Variants in SMYD3 observed in about 807,000 individuals in gnomAD.
The protein encoded by SMYD3 is SET and MYND domain containing 3, also known as histone-lysine N-methyltransferase SMYD3.
A neutral mutation model predicts 57.7 loss-of-function variants in SMYD3; 36 were observed. The ratio of observed to expected loss-of-function variants is 0.62; its 90% confidence interval spans 0.48 to 0.82. The LOEUF is 0.82. SMYD3 is among the 40% of genes least tolerant of loss of function. The pLI, the probability that SMYD3 is intolerant of heterozygous loss-of-function variation, is 0.00. For synonymous variants in SMYD3, 211 were observed against 195.0 expected (o/e 1.08, Z -0.68); for missense variants, 515 against 538.8 (o/e 0.96, Z 0.44).
intron 5 of SMYD3, among the ~76,000 whole-genome samples, chr1:246,036,720 ATT>A (rs546300378): frequency 1.7e-4 from 19 of 110,480 alleles, no homozygotes; most frequent in South Asian, 1.7e-3. Flanking sequence ...AGCCCGGCTA[ATT>A]TTTTTTTTTT....
At chr1:246,179,998 T>G (rs2062508450) in intron 5 of SMYD3, among the ~76,000 whole-genome samples, 1 of 152,160 alleles carries the variant, frequency 6.6e-6, no homozygotes, top group African/African-American at 2.4e-5. Flanking sequence ...AAGGTGTGAA[T>G]TAAGTACTCA....
chr1:246,236,605 A>G (rs2333993), intron 5 of SMYD3, among the ~76,000 whole-genome samples: 114,815 of 151,770 alleles, frequency 0.76, 43,625 homozygotes, highest in East Asian at 0.9. Context: ...TAGTAGAGAC[A>G]GGGTTTCACT....
chr1:245,836,684 G>T (rs1303857628), intron 10 of SMYD3, among the ~76,000 whole-genome samples: 3 of 152,214 alleles, frequency 2.0e-5, no homozygotes, highest in Admixed American at 2.0e-4. Context: ...TTATAAGGAA[G>T]TAGAACTCAG....
At chr1:246,245,771 T>C (rs1028290299) in intron 5 of SMYD3, among the ~76,000 whole-genome samples, 1 of 152,210 alleles carries the variant, frequency 6.6e-6, no homozygotes, top group Non-Finnish European at 1.5e-5. Context: ...TCTACACCAA[T>C]GAACCACTAA....
chr1:246,363,214 G>A (rs1258281495), intron 1 of SMYD3, among the ~76,000 whole-genome samples: 1 of 148,482 alleles, frequency 6.7e-6, no homozygotes, highest in Non-Finnish European at 1.5e-5. Context: ...AGTGAGGAGC[G>A]TCTCCGCCCG....
At chr1:245,849,473 C>T (rs2050841352) in intron 10 of SMYD3, among the ~76,000 whole-genome samples, 1 of 151,870 alleles carries the variant, frequency 6.6e-6, no homozygotes, top group Non-Finnish European at 1.5e-5. Context: ...TGTGTATGGA[C>T]CAAAAGGGGA....
intron 5 of SMYD3, among the ~76,000 whole-genome samples, chr1:246,139,077 A>C (rs1177727453): frequency 6.6e-6 from 1 of 152,202 alleles, no homozygotes; most frequent in Non-Finnish European, 1.5e-5. Flanking sequence ...CAGCAAAAAG[A>C]ATACAGTCTA....
intron 10 of SMYD3, among the ~76,000 whole-genome samples, chr1:245,793,150 A>G (rs1244544783): frequency 6.7e-6 from 1 of 149,106 alleles, no homozygotes; most frequent in African/African-American, 2.5e-5. Context: ...TCTACTAAAA[A>G]TACAAAAAAT....
intron 10 of SMYD3, among the ~76,000 whole-genome samples, chr1:245,787,233 T>G (rs907182107): frequency 6.6e-6 from 1 of 152,236 alleles, no homozygotes; most frequent in African/African-American, 2.4e-5. Context: ...CTATTTTTGC[T>G]AAAATGGGCT....
chr1:245,958,824 C>T (rs913505706), intron 5 of SMYD3, among the ~76,000 whole-genome samples: 2 of 152,164 alleles, frequency 1.3e-5, no homozygotes, highest in African/African-American at 4.8e-5. Flanking sequence ...GGATCACCAC[C>T]CTGGGGGAGT....
chr1:246,220,083 T>C (rs1380897715), intron 5 of SMYD3, among the ~76,000 whole-genome samples: 1 of 152,196 alleles, frequency 6.6e-6, no homozygotes, highest in African/African-American at 2.4e-5. Flanking sequence ...TAATGATATC[T>C]AAACGCAATT....
chr1:245,908,532 T>G (rs2054741467), intron 8 of SMYD3, among the ~76,000 whole-genome samples: 1 of 152,182 alleles, frequency 6.6e-6, no homozygotes, highest in South Asian at 2.1e-4. Context: ...AGAATATACT[T>G]TCATCTCATC....
chr1:245,839,416 A>T (rs546025722), intron 10 of SMYD3, among the ~76,000 whole-genome samples: 3 of 150,916 alleles, frequency 2.0e-5, no homozygotes, highest in African/African-American at 7.3e-5. Context: ...TGATCCGCCC[A>T]CCTCGGCCTC....
intron 1 of SMYD3, among the ~76,000 whole-genome samples, chr1:246,444,350 T>C (rs1393309645): frequency 6.6e-6 from 1 of 152,092 alleles, no homozygotes; most frequent in Non-Finnish European, 1.5e-5. Flanking sequence ...GGTCTCAAAC[T>C]CCTGACCTTG....
At chr1:246,392,634 G>A (rs1164048830) in intron 1 of SMYD3, among the ~76,000 whole-genome samples, 1 of 151,702 alleles carries the variant, frequency 6.6e-6, no homozygotes, top group African/African-American at 2.4e-5. Context: ...TTTTTGTAGA[G>A]ATGTGGTCTC....
At chr1:245,882,588 T>TA (rs2052846470) in intron 8 of SMYD3, among the ~76,000 whole-genome samples, 1 of 152,170 alleles carries the variant, frequency 6.6e-6, no homozygotes, top group Non-Finnish European at 1.5e-5. Context: ...GTCAACAATT[T>TA]AATGACTACA....
At chr1:246,403,202 A>G (rs748804724) in intron 1 of SMYD3, among the ~76,000 whole-genome samples, 1 of 152,196 alleles carries the variant, frequency 6.6e-6, no homozygotes, top group Non-Finnish European at 1.5e-5. Flanking sequence ...CTAGTTGCAT[A>G]AATTACAGTT....
chr1:246,330,978 T>C (rs950383160), intron 3 of SMYD3, among the ~76,000 whole-genome samples: 1 of 151,946 alleles, frequency 6.6e-6, no homozygotes, highest in East Asian at 1.9e-4. Context: ...CTAAAAAACA[T>C]ACAAAAATTA....
intron 7 of SMYD3, among the ~76,000 whole-genome samples, chr1:245,924,493 T>C (rs1468341354): frequency 2.0e-5 from 3 of 152,314 alleles, no homozygotes; most frequent in Admixed American, 2.0e-4. Context: ...ACTTCTGTTA[T>C]CACAGACCTT....
Sources: gnomAD v4.1 joint callset for allele counts (sites outside exome capture counted in the v4.1 genomes callset) on GRCh38, gnomAD v4.1.1 for gene constraint, MANE v1.5 for transcripts, NCBI Gene and HGNC (gene_info 2026-07-23, HGNC 2026-07-21) for gene names.